KIF9: variants seen among roughly 807,000 people sequenced by gnomAD.
KIF9 encodes the protein kinesin family member 9.
In KIF9, 68 loss-of-function variants were observed where a neutral mutation model predicts 94.8. That is an observed-to-expected ratio of 0.72 (90% CI 0.59 to 0.88). KIF9 has a LOEUF of 0.88. Among genes scored for constraint, KIF9 ranks in the 40% least tolerant of loss-of-function variants. The probability of loss-of-function intolerance (pLI) is 0.00; values close to 1 mark genes in which losing one functional copy is unlikely to be tolerated. For missense variants in KIF9, 882 were observed against 982.5 expected (o/e 0.90, Z 1.37); for synonymous variants, 343 against 362.1 (o/e 0.95, Z 0.60).
intron 17 of KIF9, among the ~76,000 whole-genome samples, chr3:47,238,731 A>G (rs1043954266): frequency 6.6e-6 from 1 of 151,396 alleles, no homozygotes; most frequent in Non-Finnish European, 1.5e-5. Flanking sequence ...CGCAATCTCG[A>G]CTCACTGCAA....
rs1699857199 is a variant in KIF9, at chr3:47,245,401, C to G, written c.1380+20G>C. ...GGAAATCTGAGGTGAGTGCTGTCGG[C>G]AAGTAGCAACTATGCTTACCTTCTG... On this transcript the variant is annotated intron_variant, in intron 14 of 20. Transcript: ENST00000684063. The G allele has an allele frequency of 6.3e-7, 1 of 1,594,000 alleles. No individual in the cohort carries two copies. The highest frequency in any genetic ancestry group is 1.1e-5 in the South Asian group (1 of 90,604).
chr3:47,241,753 ATATATACATATATACG>A (rs1699522242), intron 16 of KIF9, among the ~76,000 whole-genome samples: 1 of 146,262 alleles, frequency 6.8e-6, no homozygotes, highest in Non-Finnish European at 1.5e-5. Flanking sequence ...ATATATACGT[ATATATACATATATACG>A]TATATATACA....
chr3:47,279,718 G>A (rs1702210940), intron 1 of KIF9, among the ~76,000 whole-genome samples: 1 of 151,040 alleles, frequency 6.6e-6, no homozygotes, highest in Admixed American at 6.6e-5. Context: ...CCAGGTTCAC[G>A]CCATTCTCCT....
In KIF9 at chr3:47,228,171, C is replaced by T. The variant is rs76445179; in HGVS notation, c.*481G>A. On this transcript the variant is annotated 3_prime_UTR_variant, in exon 21 of 21. Transcript: ENST00000684063. Reference sequence around the variant, plus strand: ...AAGATGTCTTGAGAGAACTTAGGGTCTGAGGGAGCTGTGAGAAGCAGAGCT... The same window carrying T: ...AAGATGTCTTGAGAGAACTTAGGGTTTGAGGGAGCTGTGAGAAGCAGAGCT... 5,604 of 153,382 alleles carry T rather than the reference C, an allele frequency of 0.037. 355 individuals carry two copies. Among genetic ancestry groups the T allele is most frequent in the African/African-American group, 0.13 (5,296 of 41,506 alleles). The allele number at this position is 153,382 out of a possible 1,614,324, so 9.5% of individuals were successfully genotyped here. A position where few individuals can be genotyped will look rare whatever the true frequency, so the allele number is the denominator to read the frequency against.
chr3:47,280,981 C>A (rs1021319808), intron 1 of KIF9: 16 of 702,930 alleles, frequency 2.3e-5, no homozygotes, highest in Middle Eastern at 2.3e-4. Flanking sequence ...ATTCTTACGT[C>A]GCTTCATTTG....
At chr3:47,272,242 G>C (rs925777554) in intron 4 of KIF9, among the ~76,000 whole-genome samples, 2 of 152,200 alleles carry the variant, frequency 1.3e-5, no homozygotes, top group Non-Finnish European at 2.9e-5. Flanking sequence ...TCAAGGAAGG[G>C]ATAATTCCTG....
chr3:47,280,935 T>C (rs1393900169), intron 1 of KIF9: 2 of 703,104 alleles, frequency 2.8e-6, no homozygotes, highest in Non-Finnish European at 5.2e-6. Context: ...AGGGACCCCA[T>C]GCCATCTTGC....
rs1215566051 is a variant in KIF9 at position 47,269,239 on chromosome 3, C to T, written c.592-1976G>A. On this transcript the variant is annotated intron_variant, in intron 5 of 20. Transcript: ENST00000684063. Reference sequence around the variant, plus strand: ...AACTTGCATAAAAAAATAAAGAGTTCCTAGCCTATATGACTTCTAAAAGAA... The same window carrying T: ...AACTTGCATAAAAAAATAAAGAGTTTCTAGCCTATATGACTTCTAAAAGAA... Among the ~76,000 whole-genome samples the T allele has an allele frequency of 3.9e-5, 6 of 152,336 alleles. No homozygotes were observed. The South Asian group carries it at 1.0e-3, about 26-fold the overall frequency.
intron 5 of KIF9, among the ~76,000 whole-genome samples, chr3:47,267,644 CAGAG>C (rs1559460755): frequency 1.3e-5 from 2 of 151,910 alleles, no homozygotes; most frequent in Non-Finnish European, 2.9e-5. Flanking sequence ...TTTTTAATAA[CAGAG>C]AGAAATGTAG....
In KIF9 at chr3:47,228,425, C is replaced by T. The variant is rs544877415; in HGVS notation, c.*227G>A. The T allele has an allele frequency of 4.4e-4, 242 of 551,458 alleles. No homozygotes were observed. The highest frequency in any genetic ancestry group is 4.3e-3 in the African/African-American group (229 of 53,530). The allele number at this position is 551,458 out of a possible 1,614,324, so 34.2% of individuals were successfully genotyped here. A position where few individuals can be genotyped will look rare whatever the true frequency, so the allele number is the denominator to read the frequency against. On this transcript the variant is annotated 3_prime_UTR_variant, in exon 21 of 21. Transcript: ENST00000684063. ...GTCCAAACTAGAAAGTTATTTTATC[C>T]TGTCCCTGCATATAAGACAGTGAAT...
Position 47,282,702 on chromosome 3 carries a change from A to G in KIF9, c.-213T>C. ...GTCATGGCCGAATCGGGAAGACGAG[A>G]GATGGGGCCGATTGATCTAGAAAGA... On this transcript the variant is annotated 5_prime_UTR_variant, in exon 1 of 21. Coordinates refer to ENST00000684063, the MANE Select transcript of KIF9 (RefSeq NM_182902.4). The G allele has an allele frequency of 7.3e-7, 1 of 1,366,186 alleles. No homozygotes were observed. 84.6% of individuals were successfully genotyped at this position (1,366,186 alleles called of 1,614,324 possible). A position where few individuals can be genotyped will look rare whatever the true frequency, so the allele number is the denominator to read the frequency against.
intron 1 of KIF9, among the ~76,000 whole-genome samples, chr3:47,278,988 G>C (rs368484863): frequency 6.6e-6 from 1 of 150,996 alleles, no homozygotes. Context: ...ATAAATAAAT[G>C]AATAAATAAA....
chr3:47,243,306 G>T, intron 15 of KIF9, 61 bp from the exon 16 acceptor site: 2 of 1,416,038 alleles, frequency 1.4e-6, no homozygotes, highest in Non-Finnish European at 9.6e-7. Flanking sequence ...CAGATGCCAG[G>T]ATGAGTGACC....
chr3:47,276,581 A>G (rs532000811), intron 2 of KIF9, among the ~76,000 whole-genome samples: 1 of 151,480 alleles, frequency 6.6e-6, no homozygotes, highest in African/African-American at 2.4e-5. Flanking sequence ...AAAAGAAAAG[A>G]AAGAAAGAAA....
intron 16 of KIF9, among the ~76,000 whole-genome samples, chr3:47,241,751 G>GTATATATACA (rs1699521236): frequency 7.0e-6 from 1 of 143,798 alleles, no homozygotes; most frequent in Non-Finnish European, 1.5e-5. Flanking sequence ...GTATATATAC[G>GTATATATACA]TATATATACA....
At chr3:47,229,446 TACAC>T (rs1275854661) in intron 20 of KIF9, among the ~76,000 whole-genome samples, 3 of 151,994 alleles carry the variant, frequency 2.0e-5, no homozygotes, top group Non-Finnish European at 2.9e-5. Context: ...CACACACACA[TACAC>T]ACGCCACTGT....
chr3:47,256,934 C>T (rs1210941641), intron 10 of KIF9, among the ~76,000 whole-genome samples: 2 of 152,074 alleles, frequency 1.3e-5, no homozygotes, highest in East Asian at 3.9e-4. Flanking sequence ...TAAACAGATG[C>T]TTGAAGGCAG....
At position 47,247,394 on chromosome 3, in the gene KIF9, C is replaced by T. The variant is rs749057139; in HGVS notation, c.1212G>A (p.Glu404=). 6.2e-7 allele frequency: 1 copy of T among 1,612,978 alleles called. No individual in the cohort carries two copies. The highest frequency in any genetic ancestry group is 1.1e-5 in the South Asian group (1 of 91,052). The change falls in exon 12 of 21, where the codon GAG becomes GAA. Residue 404 remains glutamate (E), a synonymous_variant. Coordinates refer to ENST00000684063, the MANE Select transcript of KIF9 (RefSeq NM_182902.4). ...TTACGTCGATCTCGTCCAGTGTCCC[C>T]TCCAGGTACCTCCGCACCTGGGAGT... The part of the protein sequence containing the change: ...EINSQVRRYL[E]GTLDEIDIIS...
At chr3:47,238,720 G>A (rs1320816280) in intron 17 of KIF9, among the ~76,000 whole-genome samples, 1 of 152,092 alleles carries the variant, frequency 6.6e-6, no homozygotes, top group South Asian at 2.1e-4. Context: ...GAGTGCAGTG[G>A]CGCAATCTCG....
Sources: allele counts gnomAD v4.1 joint callset (sites outside exome capture counted in the v4.1 genomes callset), GRCh38; gene constraint gnomAD v4.1.1; transcripts MANE v1.5; gene names NCBI Gene and HGNC (gene_info 2026-07-23, HGNC 2026-07-21).